Variants in PCDHGB2 observed in about 807,000 individuals in gnomAD.
The protein encoded by PCDHGB2 is protocadherin gamma-B2.
A neutral mutation model predicts 59.3 loss-of-function variants in PCDHGB2; 55 were observed. The ratio of observed to expected loss-of-function variants is 0.93; its 90% CI spans 0.75 to 1.16. PCDHGB2 has a LOEUF of 1.16. Ranked by LOEUF, PCDHGB2 falls within the 50% of genes most tolerant of loss-of-function variation. The probability of loss-of-function intolerance (pLI) is 0.00; values close to 1 mark genes in which losing one functional copy is unlikely to be tolerated. For synonymous variants in PCDHGB2, 516 were observed against 512.0 expected, an observed-to-expected ratio of 1.01 and a Z score of -0.11; for missense variants, 1,228 against 1,198.5, an observed-to-expected ratio of 1.02 and a Z score of -0.36.
intron 1 of PCDHGB2, among the ~76,000 whole-genome samples, chr5:141,446,824 A>T (rs973108119): frequency 1.3e-5 from 2 of 152,156 alleles, no homozygotes; most frequent in African/African-American, 4.8e-5. Flanking sequence ...AGATGGGTAG[A>T]TCCTTATAAG....
rs780685517 is a variant in PCDHGB2 at position 141,489,548 on chromosome 5, T to C, written c.2422-5259T>C. 6.2e-7 allele frequency: 1 copy of C among 1,614,136 alleles called. No individual in the cohort carries two copies. Among genetic ancestry groups the C allele is most frequent in the South Asian group, 1.1e-5 (1 of 91,086 alleles). On this transcript the variant is annotated intron_variant, in intron 1 of 3. Coordinates refer to ENST00000522605, the MANE Select transcript of PCDHGB2 (RefSeq NM_018923.3). This position sits in a 1 kb window ranked among gnomAD's most constrained non-coding sequence, Gnocchi z 4.5. ...CTATGTGGAGCCAGCACCAGCTGCCTGCTGCCAGTGCAGGTGGTGACTGAA... is the reference window on the plus strand; with the variant it reads ...CTATGTGGAGCCAGCACCAGCTGCCCGCTGCCAGTGCAGGTGGTGACTGAA...
chr5:141,388,496 G>A (rs1296141749), intron 1 of PCDHGB2: 9 of 1,613,710 alleles, frequency 5.6e-6, no homozygotes, highest in South Asian at 4.4e-5. Context: ...ACAGAGAAAA[G>A]CAGAAATCCT....
rs767981942 is a variant in PCDHGB2, at chr5:141,361,017, A to C, written c.882A>C (p.Leu294Phe). ...VDEQVKHFFN[L>F]NEKTGEITTK... ...AACAAGTGAAACACTTTTTCAACTT[A>C]AATGAAAAAACAGGAGAAATCACGA... is the stretch of plus-strand genomic sequence containing the variant. Residue 294 changes from leucine (L) to phenylalanine (F), a missense_variant, in exon 1 of 4, where the codon TTA becomes TTC. Around this residue, in one of 3 missense-constraint regions of PCDHGB2, gnomAD observed 781 missense variants for 721.6 expected, o/e 1.08. Coordinates refer to ENST00000522605, the MANE Select transcript of PCDHGB2 (RefSeq NM_018923.3). The C allele has an allele frequency of 3.1e-6, 5 of 1,613,324 alleles. No individual in the cohort carries two copies. Among genetic ancestry groups the C allele is most frequent in the Admixed American group, 1.7e-5 (1 of 59,848 alleles).
chr5:141,489,091 T>C lies in PCDHGB2; in HGVS notation c.2422-5716T>C. 1 of 333,052 alleles carries C rather than the reference T, an allele frequency of 3.0e-6. No individual in the cohort carries two copies. The highest frequency in any genetic ancestry group is 5.5e-6 in the Non-Finnish European group (1 of 181,380). 20.6% of individuals were successfully genotyped at this position (333,052 alleles called of 1,614,324 possible). On this transcript the variant is annotated intron_variant, in intron 1 of 3. Coordinates refer to ENST00000522605, the MANE Select transcript of PCDHGB2 (RefSeq NM_018923.3). This position sits in a 1 kb window ranked among gnomAD's most constrained non-coding sequence, Gnocchi z 4.5. ...CTGCCCACCCCCGCCACTCGGTGAC[T>C]AAGAACTGCTGCAAGCAGGCAAACC...
At chr5:141,363,406 A>G (rs944963716) in intron 1 of PCDHGB2, among the ~76,000 whole-genome samples, 1 of 152,226 alleles carries the variant, frequency 6.6e-6, no homozygotes, top group African/African-American at 2.4e-5. Context: ...TAAAGATGAT[A>G]GCAGTAAATA....
chr5:141,393,001 G>A (rs775192271), intron 1 of PCDHGB2: 1 of 1,613,908 alleles, frequency 6.2e-7, no homozygotes, highest in South Asian at 1.1e-5. Flanking sequence ...GCGAAGCACG[G>A]AGTCCGTATC....
At chr5:141,408,775 C>T (rs780901987) in intron 1 of PCDHGB2, 7 of 1,611,568 alleles carry the variant, frequency 4.3e-6, no homozygotes, top group Non-Finnish European at 5.9e-6. Context: ...GTGGCAAATA[C>T]CCAGAGTTAT....
chr5:141,368,191 A>G (rs1765525656), intron 1 of PCDHGB2, among the ~76,000 whole-genome samples: 1 of 152,206 alleles, frequency 6.6e-6, no homozygotes, highest in Admixed American at 6.5e-5. Flanking sequence ...AAATAAGGGG[A>G]AAAGGTAATA....
intron 1 of PCDHGB2, chr5:141,414,606 A>C: frequency 6.2e-7 from 1 of 1,613,944 alleles, no homozygotes; most frequent in Non-Finnish European, 8.5e-7. Flanking sequence ...CCATCTTCTC[A>C]GTGACAGCGC....
intron 1 of PCDHGB2, among the ~76,000 whole-genome samples, chr5:141,479,998 G>A (rs2099511091): frequency 6.6e-6 from 1 of 152,272 alleles, no homozygotes; most frequent in South Asian, 2.1e-4. Flanking sequence ...AGGAGTCTGT[G>A]GCCAAGTTAC....
intron 1 of PCDHGB2, among the ~76,000 whole-genome samples, chr5:141,451,430 T>C (rs1441183396): frequency 2.0e-5 from 3 of 152,240 alleles, no homozygotes; most frequent in Non-Finnish European, 4.4e-5. Context: ...AGACTAAGGG[T>C]TCCAGTTCCT....
At position 141,487,934 on chromosome 5, in the gene PCDHGB2, C is replaced by G; in HGVS notation, c.2422-6873C>G. 4.9e-6 allele frequency: 3 copies of G among 607,674 alleles called. No individual in the cohort carries two copies. Among genetic ancestry groups the G allele is most frequent in the Non-Finnish European group, 5.8e-6 (2 of 347,576 alleles). The allele number at this position is 607,674 out of a possible 1,614,324, so 37.6% of individuals were successfully genotyped here. A position where few individuals can be genotyped will look rare whatever the true frequency, so the allele number is the denominator to read the frequency against. On this transcript the variant is annotated intron_variant, in intron 1 of 3. Transcript: ENST00000522605. The surrounding 1 kb of genome is among the most constrained non-coding windows in gnomAD (Gnocchi z 5.0). ...ACAGGAGGCTACAGTGCACAGGGTA[C>G]AGTGCACCAGGCAGTCACTTGGACA... is the stretch of plus-strand genomic sequence containing the variant.
chr5:141,380,206 G>C (rs750518608), intron 1 of PCDHGB2, among the ~76,000 whole-genome samples: 1 of 152,114 alleles, frequency 6.6e-6, no homozygotes, highest in South Asian at 2.1e-4. Flanking sequence ...GGCCTGAAAG[G>C]CATTCATTTC....
At chr5:141,414,088 A>G in intron 1 of PCDHGB2, 3 of 1,599,384 alleles carry the variant, frequency 1.9e-6, no homozygotes, top group Non-Finnish European at 8.5e-7. Context: ...TACTGGAGAA[A>G]TAAAAATATC....
At chr5:141,375,331 C>A (rs755265511) in intron 1 of PCDHGB2, 1 of 1,613,806 alleles carries the variant, frequency 6.2e-7, no homozygotes, top group East Asian at 2.2e-5. Flanking sequence ...AAGAGGTATT[C>A]TTGTACAACA....
intron 1 of PCDHGB2, chr5:141,367,888 TG>T (rs1765380243): frequency 6.6e-6 from 1 of 152,184 alleles, no homozygotes; most frequent in African/African-American, 2.4e-5. Flanking sequence ...CTTTATTACT[TG>T]AGTTTAAGGT....
chr5:141,398,083 C>G, intron 1 of PCDHGB2: 1 of 1,599,552 alleles, frequency 6.3e-7, no homozygotes, highest in Non-Finnish European at 8.5e-7. Context: ...TTATTTGTAA[C>G]CTGGCGTCTC....
chr5:141,488,170 T>C (rs554585709), intron 1 of PCDHGB2, among the ~76,000 whole-genome samples: 2 of 152,318 alleles, frequency 1.3e-5, no homozygotes, highest in African/African-American at 2.4e-5. Context: ...ATCAGAGTGG[T>C]GGCATAGATC....
At position 141,491,039 on chromosome 5, in the gene PCDHGB2, G is replaced by T; in HGVS notation, c.2422-3768G>T. 1 of 1,614,180 alleles carries T rather than the reference G, an allele frequency of 6.2e-7. No individual in the cohort carries two copies. The highest frequency in any genetic ancestry group is 1.1e-5 in the South Asian group (1 of 91,090). ...GTGACAGCCGTGGATGCTGATGCAGGCCACAATGCGTGGCTCTCCTACTCA... is the reference window on the plus strand; with the variant it reads ...GTGACAGCCGTGGATGCTGATGCAGTCCACAATGCGTGGCTCTCCTACTCA... On this transcript the variant is annotated intron_variant, in intron 1 of 3. Transcript: ENST00000522605. The surrounding 1 kb of genome is among the most constrained non-coding windows in gnomAD (Gnocchi z 6.9).
Sources: gnomAD v4.1 joint callset for allele counts (sites outside exome capture counted in the v4.1 genomes callset) on GRCh38, gnomAD v4.1.1 for gene constraint, gnomAD v4.1.1 regional missense constraint, Gnocchi (gnomAD v3.1) non-coding constraint, MANE v1.5 for transcripts, NCBI Gene and HGNC (gene_info 2026-07-23, HGNC 2026-07-21) for gene names.